Variants in HS6ST2 observed in about 807,000 individuals in gnomAD.
HS6ST2 encodes heparan-sulfate 6-O-sulfotransferase 2.
HS6ST2 carries 17 observed loss-of-function variants against 33.0 expected under a neutral mutation model. The ratio of observed to expected loss-of-function variants is 0.52; its 90% CI spans 0.35 to 0.77. The LOEUF (loss-of-function observed/expected upper bound fraction) is 0.77. Ranked by LOEUF, HS6ST2 falls within the 30% of genes least tolerant of loss-of-function variation. The pLI, the probability that HS6ST2 is intolerant of heterozygous loss-of-function variation, is 0.01. For missense variants in HS6ST2, 519 were observed against 551.7 expected (o/e 0.94, Z 0.59); for synonymous variants, 248 against 237.1 (o/e 1.05, Z -0.42).
chrX:132,958,639 G>A, upstream of HS6ST2: 2 of 1,088,008 alleles, frequency 1.8e-6, no homozygotes, highest in Non-Finnish European at 2.4e-6. Context: ...TAAGGATCAC[G>A]AGCGAGCTTG....
chrX:132,873,469 T>C (rs2066082965), intron 2 of HS6ST2, among the ~76,000 whole-genome samples: 1 of 111,773 alleles, frequency 8.9e-6, no homozygotes, highest in Non-Finnish European at 1.9e-5. Flanking sequence ...ATACCAGCAT[T>C]TGGTTTGAGA....
chrX:132,759,601 C>T (rs2064786625), intron 2 of HS6ST2, among the ~76,000 whole-genome samples: 1 of 111,114 alleles, frequency 9.0e-6, no homozygotes, highest in East Asian at 2.8e-4. Flanking sequence ...AATTTCACAA[C>T]ATAATGAGTG....
chrX:132,726,661 C>T (rs771396388), intron 2 of HS6ST2, among the ~76,000 whole-genome samples: 27 of 112,255 alleles, frequency 2.4e-4, no homozygotes, highest in Non-Finnish European at 4.7e-4. Context: ...TGTCCCTGGC[C>T]TATCTGGCTA....
chrX:132,699,391 C>T (rs1028138878), intron 3 of HS6ST2, among the ~76,000 whole-genome samples: 2 of 111,699 alleles, frequency 1.8e-5, no homozygotes, highest in Admixed American at 9.5e-5. Flanking sequence ...TGAATCTGCT[C>T]ATATAGAGAG....
intron 2 of HS6ST2, among the ~76,000 whole-genome samples, chrX:132,829,205 CTTATAT>C (rs2065562983): frequency 4.9e-5 from 2 of 40,913 alleles, no homozygotes; most frequent in Admixed American, 1.9e-4. Context: ...TATATACATA[CTTATAT>C]TTATATTTAT....
chrX:132,819,057 C>A (rs2065425438), intron 2 of HS6ST2, among the ~76,000 whole-genome samples: 1 of 110,422 alleles, frequency 9.1e-6, no homozygotes, highest in South Asian at 3.9e-4. Context: ...TTTCTAAACT[C>A]AACTCTACAC....
At chrX:132,909,508 G>C (rs1449911654) in intron 2 of HS6ST2, among the ~76,000 whole-genome samples, 3 of 112,166 alleles carry the variant, frequency 2.7e-5, no homozygotes, top group African/African-American at 6.5e-5. Context: ...AAGAGCTATT[G>C]ATTGGAACTC....
chrX:132,938,975 C>T (rs1239832531), intron 2 of HS6ST2, among the ~76,000 whole-genome samples: 1 of 111,463 alleles, frequency 9.0e-6, no homozygotes, highest in East Asian at 2.8e-4. Flanking sequence ...CTGGCAAGGG[C>T]CTCAGGAAGC....
chrX:132,814,428 C>T (rs753230593), intron 2 of HS6ST2, among the ~76,000 whole-genome samples: 1 of 112,426 alleles, frequency 8.9e-6, no homozygotes, highest in East Asian at 2.8e-4. Context: ...ACACTGCTTC[C>T]TCAGGATGAT....
intron 2 of HS6ST2, among the ~76,000 whole-genome samples, chrX:132,833,608 T>C (rs776711145): frequency 9.0e-6 from 1 of 110,998 alleles, no homozygotes; most frequent in Non-Finnish European, 1.9e-5. Flanking sequence ...TTAGGAAACC[T>C]GTAAAAATCT....
chrX:132,935,916 T>G (rs1185103748), intron 2 of HS6ST2, among the ~76,000 whole-genome samples: 1 of 109,465 alleles, frequency 9.1e-6, no homozygotes, highest in East Asian at 2.9e-4. Flanking sequence ...TTCAAATCAC[T>G]AATATAACTT....
chrX:132,798,283 T>A (rs2065203993), intron 2 of HS6ST2, among the ~76,000 whole-genome samples: 1 of 110,788 alleles, frequency 9.0e-6, no homozygotes, highest in Admixed American at 9.6e-5. Flanking sequence ...GATCTTCAGA[T>A]TGAGATTCTC....
At chrX:132,700,333 T>C (rs1309918124) in intron 3 of HS6ST2, among the ~76,000 whole-genome samples, 1 of 111,182 alleles carries the variant, frequency 9.0e-6, no homozygotes, top group Non-Finnish European at 1.9e-5. Context: ...GCTCATTGAA[T>C]AGTAAGCCAA....
chrX:132,922,402 C>T (rs1172147845), intron 2 of HS6ST2, among the ~76,000 whole-genome samples: 1 of 112,189 alleles, frequency 8.9e-6, no homozygotes, highest in Non-Finnish European at 1.9e-5. Flanking sequence ...TGCCGGTTGT[C>T]TCCATTTATT....
At chrX:132,663,686 G>A (rs2063790187) in intron 4 of HS6ST2, among the ~76,000 whole-genome samples, 1 of 112,210 alleles carries the variant, frequency 8.9e-6, no homozygotes, top group Admixed American at 9.4e-5. Context: ...AGCAATTACT[G>A]GCAAAGTCAA....
At chrX:132,821,745 C>T (rs1205763369) in intron 2 of HS6ST2, among the ~76,000 whole-genome samples, 2 of 111,816 alleles carry the variant, frequency 1.8e-5, no homozygotes, top group Admixed American at 1.9e-4. Context: ...AATTCCAACA[C>T]TTTGGGAGGC....
chrX:132,788,012 T>C (rs1257067697), intron 2 of HS6ST2, among the ~76,000 whole-genome samples: 9 of 112,201 alleles, frequency 8.0e-5, no homozygotes, highest in Admixed American at 1.9e-4. Flanking sequence ...AAACTAACGA[T>C]AGGGTATTGA....
Position 132,687,679 on chromosome X carries a change from C to T in HS6ST2, c.981-18480G>A, listed in dbSNP as rs181853022. On this transcript the variant is annotated intron_variant, in intron 3 of 4. Coordinates refer to ENST00000370833, the MANE Select transcript of HS6ST2 (RefSeq NM_001394073.1). ...CAGGTGCAACATTTGGAACTTAAAC[C>T]AGTGGCCCTACAAGAAATCATGACA... Among the ~76,000 whole-genome samples the T allele has an allele frequency of 1.6e-4, 18 of 110,948 alleles. 1 individual carries two copies. The highest frequency in any genetic ancestry group is 5.9e-4 in the African/African-American group (18 of 30,544).
chrX:132,856,879 GA>G (rs1048486505), intron 2 of HS6ST2, among the ~76,000 whole-genome samples: 1 of 111,483 alleles, frequency 9.0e-6, no homozygotes, highest in Non-Finnish European at 1.9e-5. Context: ...AATTATGAGA[GA>G]AAAAAAGGCT....
Sources: allele counts gnomAD v4.1 joint callset (sites outside exome capture counted in the v4.1 genomes callset), GRCh38; gene constraint gnomAD v4.1.1; transcripts MANE v1.5; gene names NCBI Gene and HGNC (gene_info 2026-07-23, HGNC 2026-07-21).